MYT1L: variants seen among roughly 807,000 people sequenced by gnomAD.
MYT1L encodes myelin transcription factor 1-like protein.
A neutral mutation model predicts 126.7 loss-of-function variants in MYT1L; 12 were observed. The ratio of observed to expected loss-of-function variants is 0.09; its 90% CI spans 0.06 to 0.15. MYT1L has a LOEUF of 0.15. Ranked by LOEUF, MYT1L falls within the 10% of genes least tolerant of loss-of-function variation. The pLI is 1.00. For missense variants in MYT1L, 979 were observed against 1,585.2 expected (o/e 0.62, Z 6.49); for synonymous variants, 541 against 604.2 (o/e 0.90, Z 1.53).
chr2:2,271,004 G>C (rs964228906), intron 2 of MYT1L, among the ~76,000 whole-genome samples: 1 of 152,154 alleles, frequency 6.6e-6, no homozygotes, highest in African/African-American at 2.4e-5. Context: ...CGTGTTCTTC[G>C]CTTCCTCCTT....
At chr2:2,126,453 C>A (rs139737324) in intron 3 of MYT1L, among the ~76,000 whole-genome samples, 8 of 152,278 alleles carry the variant, frequency 5.3e-5, no homozygotes, top group Non-Finnish European at 1.2e-4. Context: ...GCCATGGGGT[C>A]TGGGGCCCAG....
intron 3 of MYT1L, among the ~76,000 whole-genome samples, chr2:2,131,824 G>A (rs2082389262): frequency 1.3e-5 from 2 of 151,522 alleles, no homozygotes; most frequent in South Asian, 4.2e-4. Context: ...GCTGCACAGA[G>A]ACTACTCTCT....
chr2:2,033,086 C>T (rs1287448969), intron 4 of MYT1L, among the ~76,000 whole-genome samples: 1 of 140,768 alleles, frequency 7.1e-6, no homozygotes, highest in Non-Finnish European at 1.5e-5. Context: ...CATCCTGTGG[C>T]CCAGAGCAGA....
intron 1 of MYT1L, among the ~76,000 whole-genome samples, chr2:2,295,477 A>T (rs1479041234): frequency 6.6e-6 from 1 of 151,766 alleles, no homozygotes; most frequent in Non-Finnish European, 1.5e-5. Flanking sequence ...GAGATGGAAA[A>T]CCAACCCAAA....
At chr2:1,908,423 T>C in intron 13 of MYT1L, among the ~76,000 whole-genome samples, 1 of 151,462 alleles carries the variant, frequency 6.6e-6, no homozygotes, top group East Asian at 1.9e-4. Flanking sequence ...AGGTGGGCAG[T>C]TGTAGGTGGG....
In MYT1L at chr2:2,317,459, A is replaced by G. The variant is rs556820587; in HGVS notation, c.-521+13508T>C. Among the ~76,000 whole-genome samples, 3 of 152,202 alleles carry G rather than the reference A, an allele frequency of 2.0e-5. No individual in the cohort carries two copies. In the East Asian group the frequency reaches 5.8e-4, roughly 30 times the overall value. On this transcript the variant is annotated intron_variant, in intron 1 of 24. Transcript: ENST00000647738. ...GGGCACCGAGAGGCAGAAAACTGCA[A>G]TCATTTGTTTCAAGTCATCTCCGAA...
At chr2:1,964,581 T>G (rs2059197868) in intron 8 of MYT1L, among the ~76,000 whole-genome samples, 1 of 152,218 alleles carries the variant, frequency 6.6e-6, no homozygotes, top group Admixed American at 6.5e-5. Flanking sequence ...ATTTTTATTC[T>G]TTGATCCAAA....
chr2:2,045,204 A>G (rs2150043664), intron 4 of MYT1L, among the ~76,000 whole-genome samples: 1 of 152,370 alleles, frequency 6.6e-6, no homozygotes, highest in East Asian at 1.9e-4. Context: ...ATTAGCACTA[A>G]TGAGAGTTAT....
In MYT1L at chr2:2,330,949, C is replaced by T. The variant is rs1272290055; in HGVS notation, c.-521+18G>A. 2 of 152,086 alleles carry T rather than the reference C, an allele frequency of 1.3e-5. No individual in the cohort carries two copies. The highest frequency in any genetic ancestry group is 2.9e-5 in the Non-Finnish European group (2 of 68,018). The allele number at this position is 152,086 out of a possible 1,614,324, so 9.4% of individuals were successfully genotyped here. ...TCACTAAGTTCCCCGAAAAATTAACCTAACGAACATCACGTACCTCACAAT... is the reference window on the plus strand; with the variant it reads ...TCACTAAGTTCCCCGAAAAATTAACTTAACGAACATCACGTACCTCACAAT... On this transcript the variant is annotated intron_variant, in intron 1 of 24. Transcript: ENST00000647738.
chr2:1,807,672 A>G (rs1021196188), intron 22 of MYT1L, among the ~76,000 whole-genome samples: 6 of 152,196 alleles, frequency 3.9e-5, no homozygotes, highest in African/African-American at 1.4e-4. Context: ...CTCAATGGCT[A>G]CAGGTTACAG....
chr2:1,815,299 C>A (rs568624680), intron 21 of MYT1L, among the ~76,000 whole-genome samples: 1 of 152,182 alleles, frequency 6.6e-6, no homozygotes, highest in Non-Finnish European at 1.5e-5. Flanking sequence ...GATGTCTCTG[C>A]CACCTTCGCT....
intron 2 of MYT1L, among the ~76,000 whole-genome samples, chr2:2,252,827 C>G (rs1227102331): frequency 6.6e-6 from 1 of 152,190 alleles, no homozygotes; most frequent in Non-Finnish European, 1.5e-5. Context: ...GCCTTCCCCT[C>G]TTTCTTCCCC....
chr2:2,302,005 C>T (rs1385001991), intron 1 of MYT1L, among the ~76,000 whole-genome samples: 1 of 152,054 alleles, frequency 6.6e-6, no homozygotes, highest in Non-Finnish European at 1.5e-5. Flanking sequence ...ATGATTCAAC[C>T]TCTATAAAGG....
At chr2:2,115,696 C>T (rs962403958) in intron 3 of MYT1L, among the ~76,000 whole-genome samples, 27 of 152,230 alleles carry the variant, frequency 1.8e-4, no homozygotes, top group Admixed American at 4.6e-4. Context: ...CGGTCTTGTG[C>T]GGCATCTAGA....
In MYT1L at chr2:2,059,318, G is replaced by A. The variant is rs2070067941; in HGVS notation, c.-303-5195C>T. Among the ~76,000 whole-genome samples the A allele has an allele frequency of 6.6e-6, 1 of 150,470 alleles. No individual in the cohort carries two copies. The highest frequency in any genetic ancestry group is 1.5e-5 in the Non-Finnish European group (1 of 68,032). On this transcript the variant is annotated intron_variant, in intron 3 of 24. Coordinates refer to ENST00000647738, the MANE Select transcript of MYT1L (RefSeq NM_001303052.2). The surrounding 1 kb of genome is among the most constrained non-coding windows in gnomAD (Gnocchi z 4.7). ...CCAGTGACTTTCCATGAAAGCACAT[G>A]CCATCTTGTCCCATGCAACACAAAA...
chr2:2,029,410 G>A (rs886424625), intron 4 of MYT1L, among the ~76,000 whole-genome samples: 4 of 152,182 alleles, frequency 2.6e-5, no homozygotes, highest in Non-Finnish European at 4.4e-5. Context: ...CTTACATGGC[G>A]GCAGGCAAGA....
intron 2 of MYT1L, among the ~76,000 whole-genome samples, chr2:2,247,387 A>T (rs961885269): frequency 1.3e-5 from 2 of 152,206 alleles, no homozygotes; most frequent in African/African-American, 4.8e-5. Flanking sequence ...TATAAAGCAA[A>T]TATTATTAGA....
At chr2:2,249,542 G>C (rs956115858) in intron 2 of MYT1L, among the ~76,000 whole-genome samples, 3 of 151,736 alleles carry the variant, frequency 2.0e-5, no homozygotes, top group Non-Finnish European at 4.4e-5. Flanking sequence ...TGAATTAAAG[G>C]CTTAAATGTA....
intron 4 of MYT1L, among the ~76,000 whole-genome samples, chr2:2,042,848 C>T (rs1280571089): frequency 1.3e-5 from 2 of 152,300 alleles, no homozygotes; most frequent in East Asian, 1.9e-4. Context: ...TGACAGCAGG[C>T]GATAGCCTCC....
Sources: gnomAD v4.1 joint callset for allele counts (sites outside exome capture counted in the v4.1 genomes callset) on GRCh38, gnomAD v4.1.1 for gene constraint, Gnocchi (gnomAD v3.1) non-coding constraint, MANE v1.5 for transcripts, NCBI Gene and HGNC (gene_info 2026-07-23, HGNC 2026-07-21) for gene names.